The following RGS7BP variants were observed in gnomAD, a reference collection of about 807,000 sequenced individuals.
RGS7BP encodes regulator of G protein signaling 7-binding protein.
Under a neutral mutation model 31.3 loss-of-function variants are expected in RGS7BP, and 9 were observed. The observed-to-expected ratio is 0.29, with a 90% CI of 0.17 to 0.50. RGS7BP has a LOEUF of 0.50. RGS7BP is among the 20% of genes least tolerant of loss of function. The probability of loss-of-function intolerance (pLI) is 0.98; values close to 1 mark genes in which losing one functional copy is unlikely to be tolerated. For synonymous variants in RGS7BP, 115 were observed against 120.1 expected, an observed-to-expected ratio of 0.96 and a Z score of 0.28; for missense variants, 274 against 322.0, an observed-to-expected ratio of 0.85 and a Z score of 1.14.
At chr5:64,606,722 A>G (rs185885203) in intron 5 of RGS7BP, among the ~76,000 whole-genome samples, 88 of 152,206 alleles carry the variant, frequency 5.8e-4, no homozygotes, top group Non-Finnish European at 9.9e-4. Flanking sequence ...TGCTCCAAAT[A>G]TTTCATGGTT....
intron 5 of RGS7BP, among the ~76,000 whole-genome samples, chr5:64,605,951 C>CAT (rs60871596): frequency 1.1e-5 from 1 of 92,744 alleles, no homozygotes; most frequent in African/African-American, 3.2e-5. Context: ...TATCTGGATA[C>CAT]ATATATATAT....
rs1345270632 is a variant in RGS7BP at position 64,603,193 on chromosome 5, G to A, written c.682+4758G>A. Among the ~76,000 whole-genome samples, 6 of 151,922 alleles carry A rather than the reference G, an allele frequency of 3.9e-5. No individual in the cohort carries two copies. In the East Asian group the frequency reaches 1.2e-3, roughly 29 times the overall value. On this transcript the variant is annotated intron_variant, in intron 5 of 5. Transcript: ENST00000334025. ...GCTTAAGATCTCACCTAAAGTCAGG[G>A]GATTGGAGAGGAGGACAGAGACAAT...
chr5:64,575,943 TTG>T (rs1742410094), intron 3 of RGS7BP, 39 bp downstream of exon 3: 1 of 1,587,886 alleles, frequency 6.3e-7, no homozygotes, highest in Non-Finnish European at 8.6e-7. Flanking sequence ...CTGAGGAATG[TTG>T]AACAAAAGCT....
intron 3 of RGS7BP, among the ~76,000 whole-genome samples, chr5:64,593,291 G>A (rs1445996155): frequency 1.3e-5 from 2 of 152,162 alleles, no homozygotes; most frequent in South Asian, 2.1e-4. Flanking sequence ...AAACTTCAGG[G>A]ATGAGATTTT....
chr5:64,568,589 C>G (rs575627487), intron 2 of RGS7BP, among the ~76,000 whole-genome samples: 2 of 152,050 alleles, frequency 1.3e-5, no homozygotes, highest in African/African-American at 4.8e-5. Flanking sequence ...CTCCTTCAAC[C>G]ACCAATGCCC....
chr5:64,511,123 A>T (rs1037020730), intron 2 of RGS7BP, among the ~76,000 whole-genome samples: 2 of 152,242 alleles, frequency 1.3e-5, no homozygotes, highest in Non-Finnish European at 2.9e-5. Context: ...CTAATGCTAC[A>T]TACCTTTCAT....
chr5:64,546,174 C>G (rs995329324), intron 2 of RGS7BP, among the ~76,000 whole-genome samples: 2 of 151,844 alleles, frequency 1.3e-5, no homozygotes, highest in African/African-American at 2.4e-5. Context: ...CAAAACAAAA[C>G]AAAACAAAAG....
intron 2 of RGS7BP, among the ~76,000 whole-genome samples, chr5:64,557,631 G>C (rs982877380): frequency 1.3e-5 from 2 of 152,174 alleles, no homozygotes; most frequent in African/African-American, 4.8e-5. Context: ...ACATGACTTT[G>C]TGTATCCCCT....
intron 5 of RGS7BP, among the ~76,000 whole-genome samples, chr5:64,602,876 T>C (rs1743256292): frequency 6.6e-6 from 1 of 152,214 alleles, no homozygotes; most frequent in Non-Finnish European, 1.5e-5. Flanking sequence ...TTAGAAAGTA[T>C]CTGTGCTGAG....
intron 2 of RGS7BP, among the ~76,000 whole-genome samples, chr5:64,532,258 T>A (rs1749389248): frequency 6.6e-6 from 1 of 152,108 alleles, no homozygotes; most frequent in Non-Finnish European, 1.5e-5. Flanking sequence ...TAAATCTTTT[T>A]CTGAATAGTG....
At chr5:64,507,197 C>G (rs562300770) in intron 1 of RGS7BP, among the ~76,000 whole-genome samples, 1 of 152,346 alleles carries the variant, frequency 6.6e-6, no homozygotes, top group Admixed American at 6.5e-5. Flanking sequence ...GTCGAAGGTT[C>G]CAGCGCAGAG....
At position 64,507,708 on chromosome 5, in the gene RGS7BP, C is replaced by T; in HGVS notation, c.166-3C>T. The T allele has an allele frequency of 6.4e-7, 1 of 1,553,634 alleles. No individual in the cohort carries two copies. ...AAAAAAAAAAAACTCACTTCTTTTCCAGCTTGTCCAAGAGTTCAACACACA... is the reference window on the plus strand; with the variant it reads ...AAAAAAAAAAAACTCACTTCTTTTCTAGCTTGTCCAAGAGTTCAACACACA... On this transcript the variant is annotated splice_region_variant and splice_polypyrimidine_tract_variant and intron_variant, in intron 1 of 5. Transcript: ENST00000334025.
At chr5:64,593,643 T>C (rs912265278) in intron 3 of RGS7BP, among the ~76,000 whole-genome samples, 34 of 152,180 alleles carry the variant, frequency 2.2e-4, no homozygotes, top group African/African-American at 7.7e-4. Context: ...TTTGTAATTA[T>C]TTGTATAATG....
chr5:64,561,006 C>T (rs1392510621), intron 2 of RGS7BP, among the ~76,000 whole-genome samples: 1 of 152,086 alleles, frequency 6.6e-6, no homozygotes, highest in Non-Finnish European at 1.5e-5. Flanking sequence ...CCAGTTCTTG[C>T]CATATCCTTT....
chr5:64,565,986 A>G (rs550894540), intron 2 of RGS7BP, among the ~76,000 whole-genome samples: 1 of 152,256 alleles, frequency 6.6e-6, no homozygotes, highest in East Asian at 1.9e-4. Context: ...CCAATTAGAT[A>G]TAATGTGTAC....
intron 4 of RGS7BP, among the ~76,000 whole-genome samples, chr5:64,596,451 G>A (rs1206848507): frequency 6.6e-6 from 1 of 152,188 alleles, no homozygotes; most frequent in Admixed American, 6.5e-5. Context: ...TGGGCTTAAG[G>A]TGATTCTCCT....
In RGS7BP at chr5:64,556,264, T is replaced by G. The variant is rs1043192103; in HGVS notation, c.333-19510T>G. Among the ~76,000 whole-genome samples, 2 of 151,570 alleles carry G rather than the reference T, an allele frequency of 1.3e-5. 1 individual carries two copies. Among genetic ancestry groups the G allele is most frequent in the East Asian group, 3.9e-4 (2 of 5,176 alleles). ...ACTAATGAGGCTGAGTATTTTTATGTCATTATTAACCTTTCATATTTCCTT... is the reference window on the plus strand; with the variant it reads ...ACTAATGAGGCTGAGTATTTTTATGGCATTATTAACCTTTCATATTTCCTT... On this transcript the variant is annotated intron_variant, in intron 2 of 5. Coordinates refer to ENST00000334025, the MANE Select transcript of RGS7BP (RefSeq NM_001029875.3).
intron 2 of RGS7BP, among the ~76,000 whole-genome samples, chr5:64,543,637 T>G (rs1038559255): frequency 1.3e-5 from 2 of 152,210 alleles, no homozygotes; most frequent in Non-Finnish European, 2.9e-5. Context: ...ACAGCTTAAG[T>G]CCAATGTCCA....
At chr5:64,561,816 T>G (rs1742062928) in intron 2 of RGS7BP, among the ~76,000 whole-genome samples, 3 of 152,142 alleles carry the variant, frequency 2.0e-5, no homozygotes. Flanking sequence ...CCTAAACGTT[T>G]GCTAATCACT....
Sources: gnomAD v4.1 joint callset for allele counts (sites outside exome capture counted in the v4.1 genomes callset) on GRCh38, gnomAD v4.1.1 for gene constraint, MANE v1.5 for transcripts, NCBI Gene and HGNC (gene_info 2026-07-23, HGNC 2026-07-21) for gene names.